The following PGAP1 variants were observed in gnomAD, a reference collection of about 807,000 sequenced individuals.
The protein encoded by PGAP1 is post-GPI attachment to proteins inositol deacylase 1, also known as GPI inositol-deacylase.
A neutral mutation model predicts 127.0 loss-of-function variants in PGAP1; 76 were observed. The ratio of observed to expected loss-of-function variants is 0.60; its 90% confidence interval spans 0.50 to 0.72. PGAP1 has a LOEUF of 0.72. Ranked by LOEUF, PGAP1 falls within the 30% of genes least tolerant of loss-of-function variation. PGAP1 has a pLI of 0.00. For synonymous variants in PGAP1, 362 were observed against 366.5 expected (o/e 0.99, Z 0.14); for missense variants, 982 against 1,071.3 (o/e 0.92, Z 1.16).
At chr2:196,894,618 C>T (rs750329384) in intron 7 of PGAP1, among the ~76,000 whole-genome samples, 37 of 152,006 alleles carry the variant, frequency 2.4e-4, no homozygotes, top group Non-Finnish European at 4.4e-4. Context: ...CTGGCTAACA[C>T]GTAGAAACCC....
chr2:196,834,101 A>G lies in PGAP1; in HGVS notation c.*7133T>C, dbSNP rs1700171710. 6.6e-6 allele frequency: 1 copy of G among 152,086 alleles called. No individual in the cohort carries two copies. Among genetic ancestry groups the G allele is most frequent in the South Asian group, 2.1e-4 (1 of 4,834 alleles). 9.4% of individuals were successfully genotyped at this position (152,086 alleles called of 1,614,324 possible). On this transcript the variant is annotated 3_prime_UTR_variant, in exon 27 of 27. Transcript: ENST00000354764. Reference sequence around the variant, plus strand: ...AAGTCAAAGAATTCATGTCTTTGACAGATTACTCATTAATAAGACAAAAAA... The same window carrying G: ...AAGTCAAAGAATTCATGTCTTTGACGGATTACTCATTAATAAGACAAAAAA...
chr2:196,899,843 G>A (rs113385582), intron 5 of PGAP1, among the ~76,000 whole-genome samples: 3,179 of 152,268 alleles, frequency 0.021, 112 homozygotes, highest in African/African-American at 0.072. Flanking sequence ...AGACCAGCCT[G>A]GCTAACATGG....
intron 9 of PGAP1, among the ~76,000 whole-genome samples, chr2:196,891,940 C>A (rs1702112498): frequency 6.6e-6 from 1 of 151,814 alleles, no homozygotes; most frequent in Non-Finnish European, 1.5e-5. Context: ...GGCAAAGGAA[C>A]ATGTTGAATG....
chr2:196,902,726 T>A lies in PGAP1; in HGVS notation c.666A>T (p.Val222=). 6.2e-7 allele frequency: 1 copy of A among 1,605,428 alleles called. No homozygotes were observed. Among genetic ancestry groups the A allele is most frequent in the East Asian group, 2.2e-5 (1 of 44,824 alleles). ...GAGCATTTAGAATCCAATAGTTGTTTACAGTCGTATAAAAATCTGGTGGGG... is the reference window on the plus strand; with the variant it reads ...GAGCATTTAGAATCCAATAGTTGTTAACAGTCGTATAAAAATCTGGTGGGG... ...DRFITDFYTT[V]NNYWILNARH... is the part of the protein sequence containing the mutation. Residue 222 remains valine, a synonymous_variant, in exon 5 of 27, where the codon GTA becomes GTT. Coordinates refer to ENST00000354764, the MANE Select transcript of PGAP1 (RefSeq NM_024989.4).
chr2:196,926,195 G>A (rs1703355173), intron 1 of PGAP1, among the ~76,000 whole-genome samples: 1 of 152,056 alleles, frequency 6.6e-6, no homozygotes, highest in South Asian at 2.1e-4. Context: ...CTGGGGAGGA[G>A]GCGGAGGGAC....
Position 196,892,234 on chromosome 2 carries a change from G to A in PGAP1, c.1089+112C>T. 5.3e-6 allele frequency: 3 copies of A among 562,180 alleles called. No individual in the cohort carries two copies. In the South Asian group the frequency reaches 7.9e-5, roughly 15 times the overall value. 34.8% of individuals were successfully genotyped at this position (562,180 alleles called of 1,614,324 possible). On this transcript the variant is annotated intron_variant, in intron 9 of 26. Coordinates refer to ENST00000354764, the MANE Select transcript of PGAP1 (RefSeq NM_024989.4). ...CTTATTAAGGAATTATTATTAAATT[G>A]TGGGAAAATGGCATGCAGTTATCTT...
intron 2 of PGAP1, among the ~76,000 whole-genome samples, chr2:196,918,969 G>C (rs1450407620): frequency 6.6e-6 from 1 of 152,014 alleles, no homozygotes; most frequent in Non-Finnish European, 1.5e-5. Flanking sequence ...ATATGATATG[G>C]CCCGTGGTTA....
chr2:196,877,454 A>T (rs952939361), intron 13 of PGAP1: 1 of 149,022 alleles, frequency 6.7e-6, no homozygotes, highest in Non-Finnish European at 1.5e-5. Context: ...GATGCATTAC[A>T]TATTTATTAG....
At chr2:196,884,949 C>T (rs1701849918) in intron 12 of PGAP1, among the ~76,000 whole-genome samples, 1 of 152,124 alleles carries the variant, frequency 6.6e-6, no homozygotes, top group Admixed American at 6.6e-5. Context: ...TTAAATAAAT[C>T]CCTGCTGTGA....
chr2:196,888,011 AT>A (rs1279728358), intron 10 of PGAP1, among the ~76,000 whole-genome samples: 2 of 152,198 alleles, frequency 1.3e-5, no homozygotes, highest in Non-Finnish European at 2.9e-5. Context: ...AATTGCTGAT[AT>A]TCCATACTAC....
intron 2 of PGAP1, 52 bp from the exon 3 acceptor site, chr2:196,916,645 C>A: frequency 6.8e-7 from 1 of 1,473,144 alleles, no homozygotes; most frequent in South Asian, 1.4e-5. Context: ...CAGGTTTCAT[C>A]CATTCTTTCT....
intron 14 of PGAP1, 47 bp downstream of exon 14, chr2:196,875,699 T>C (rs1701543630): frequency 1.9e-6 from 2 of 1,058,710 alleles, no homozygotes; most frequent in Non-Finnish European, 2.9e-6. Context: ...TGCAACTCTG[T>C]TAAAAATAAA....
At chr2:196,856,831 T>C (rs1700898745) in intron 20 of PGAP1, among the ~76,000 whole-genome samples, 1 of 152,262 alleles carries the variant, frequency 6.6e-6, no homozygotes. Context: ...AAGCCTAGGT[T>C]CATGGTTCAA....
chr2:196,844,090 A>G lies in PGAP1; in HGVS notation c.2338-15T>C. On this transcript the variant is annotated splice_polypyrimidine_tract_variant and intron_variant, in intron 24 of 26. Coordinates refer to ENST00000354764, the MANE Select transcript of PGAP1 (RefSeq NM_024989.4). ...TGTTTGGGATTCTATAAAACAATAA[A>G]GTAGAAATATCAAGACACTAAACAA... 6.8e-7 allele frequency: 1 copy of G among 1,473,148 alleles called. No individual in the cohort carries two copies. Among genetic ancestry groups the G allele is most frequent in the Non-Finnish European group, 9.2e-7 (1 of 1,086,526 alleles). 91.3% of individuals were successfully genotyped at this position (1,473,148 alleles called of 1,614,324 possible). A position where few individuals can be genotyped will look rare whatever the true frequency, so the allele number is the denominator to read the frequency against.
intron 4 of PGAP1, among the ~76,000 whole-genome samples, chr2:196,907,039 C>A (rs1702744676): frequency 7.9e-6 from 1 of 127,318 alleles, no homozygotes; most frequent in African/African-American, 3.2e-5. Context: ...AGGATATTAT[C>A]CAGGAGAACT....
intron 7 of PGAP1, among the ~76,000 whole-genome samples, chr2:196,895,873 G>A (rs576222908): frequency 6.6e-5 from 10 of 152,080 alleles, no homozygotes; most frequent in Admixed American, 4.6e-4. Context: ...AAAAATATCC[G>A]GGCTGCAATG....
intron 18 of PGAP1, among the ~76,000 whole-genome samples, chr2:196,871,698 C>T (rs1469808945): frequency 6.6e-6 from 1 of 152,104 alleles, no homozygotes; most frequent in Non-Finnish European, 1.5e-5. Context: ...GCTGGAGGAA[C>T]AGATTCTATT....
intron 25 of PGAP1, among the ~76,000 whole-genome samples, chr2:196,843,585 T>G (rs774595219): frequency 8.7e-4 from 132 of 152,302 alleles, no homozygotes; most frequent in South Asian, 2.3e-3. Context: ...AAAGTTTATA[T>G]TCCCGAAGTT....
At chr2:196,925,939 T>A (rs1041138629) in intron 1 of PGAP1, among the ~76,000 whole-genome samples, 10 of 152,052 alleles carry the variant, frequency 6.6e-5, no homozygotes, top group Non-Finnish European at 1.5e-4. Context: ...TTGGGAACTA[T>A]CTAGCCAATA....
Sources: gnomAD v4.1 joint callset for allele counts (sites outside exome capture counted in the v4.1 genomes callset) on GRCh38, gnomAD v4.1.1 for gene constraint, MANE v1.5 for transcripts, NCBI Gene and HGNC (gene_info 2026-07-23, HGNC 2026-07-21) for gene names.